Variants in MET observed in about 807,000 individuals in gnomAD.
The protein encoded by MET is MET proto-oncogene, receptor tyrosine kinase.
Under a neutral mutation model 133.1 loss-of-function variants are expected in MET, and 48 were observed. The ratio of observed to expected loss-of-function variants is 0.36; its 90% CI spans 0.29 to 0.46. The LOEUF is 0.46. MET is among the 20% of genes least tolerant of loss of function. The probability of loss-of-function intolerance (pLI) is 1.00; values close to 1 mark genes in which losing one functional copy is unlikely to be tolerated. For missense variants in MET, 1,442 were observed against 1,695.9 expected, an observed-to-expected ratio of 0.85 and a Z score of 2.63; for synonymous variants, 628 against 616.5, an observed-to-expected ratio of 1.02 and a Z score of -0.28.
Position 116,672,535 on chromosome 7 carries a change from C to T in MET, c.-57C>T. ...GGGAGGCGCGGAGCGCGCGTGTGGT[C>T]CTTGCGCCGCTGACTTCTCCACTGG... On this transcript the variant is annotated 5_prime_UTR_variant, in exon 1 of 21. Coordinates refer to ENST00000397752, the MANE Select transcript of MET (RefSeq NM_000245.4). 2.5e-6 allele frequency: 1 copy of T among 397,458 alleles called. No homozygotes were observed. The highest frequency in any genetic ancestry group is 4.4e-6 in the Non-Finnish European group (1 of 225,348). 24.6% of individuals were successfully genotyped at this position (397,458 alleles called of 1,614,324 possible).
chr7:116,731,991 A>G, intron 3 of MET, 132 bp downstream of exon 3: 1 of 849,510 alleles, frequency 1.2e-6, no homozygotes, highest in Non-Finnish European at 1.9e-6. Flanking sequence ...ACACAGACTG[A>G]AAGCCAAACA....
At chr7:116,789,863 C>G (rs779786138) in intron 19 of MET, among the ~76,000 whole-genome samples, 2 of 152,110 alleles carry the variant, frequency 1.3e-5, no homozygotes, top group African/African-American at 2.4e-5. Context: ...AGATTTGTTA[C>G]GTAGGTAAAC....
chr7:116,725,100 T>G (rs760646861), intron 2 of MET, among the ~76,000 whole-genome samples: 13 of 152,274 alleles, frequency 8.5e-5, no homozygotes, highest in African/African-American at 2.9e-4. Flanking sequence ...TGCCTGTACG[T>G]AAGAAGTATG....
In MET at chr7:116,786,143, T is replaced by C. The variant is rs147637222; in HGVS notation, c.3798+2674T>C. On this transcript the variant is annotated intron_variant, in intron 19 of 20. Coordinates refer to ENST00000397752, the MANE Select transcript of MET (RefSeq NM_000245.4). ...TATTGAGGGCTCTCTTCCTGGCCTA[T>C]AGATGGCCACCTTCTTGCTGTGTCC... 2.2e-3 allele frequency among the ~76,000 whole-genome samples: 332 copies of C among 152,358 alleles called. 2 individuals are homozygous for C. Among genetic ancestry groups the C allele is most frequent in the African/African-American group, 7.6e-3 (316 of 41,586 alleles).
At chr7:116,739,883 A>G in intron 3 of MET, 67 bp from the exon 4 acceptor site, 1 of 1,607,842 alleles carries the variant, frequency 6.2e-7, no homozygotes, top group Non-Finnish European at 8.5e-7. Context: ...ATTATCATCT[A>G]CATTTTCCAC....
At chr7:116,769,915 G>T in intron 12 of MET, 124 bp downstream of exon 12, 1 of 1,325,674 alleles carries the variant, frequency 7.5e-7, no homozygotes, top group Non-Finnish European at 1.1e-6. Context: ...AACTCAGCCT[G>T]CATTCCTAGT....
chr7:116,673,597 C>A (rs1462979460), intron 1 of MET, among the ~76,000 whole-genome samples: 1 of 152,226 alleles, frequency 6.6e-6, no homozygotes, highest in East Asian at 1.9e-4. Flanking sequence ...ATCAGCCAGA[C>A]ACATGCACAT....
At chr7:116,747,925 A>C (rs1044455778) in intron 5 of MET, among the ~76,000 whole-genome samples, 1 of 152,174 alleles carries the variant, frequency 6.6e-6, no homozygotes, top group Non-Finnish European at 1.5e-5. Flanking sequence ...AGATGACACT[A>C]CAATCAAATT....
At chr7:116,720,435 G>C (rs1270801929) in intron 2 of MET, among the ~76,000 whole-genome samples, 1 of 143,160 alleles carries the variant, frequency 7.0e-6, no homozygotes, top group African/African-American at 2.7e-5. Context: ...CTGCAAACAG[G>C]GACAATTTGA....
At chr7:116,749,250 C>T (rs1186797358) in intron 5 of MET, among the ~76,000 whole-genome samples, 1 of 152,154 alleles carries the variant, frequency 6.6e-6, no homozygotes, top group East Asian at 1.9e-4. Flanking sequence ...CATCAAAAAG[C>T]TTATCCACCA....
intron 1 of MET, among the ~76,000 whole-genome samples, chr7:116,683,903 TC>T (rs1291142722): frequency 6.6e-6 from 1 of 152,234 alleles, no homozygotes; most frequent in Non-Finnish European, 1.5e-5. Flanking sequence ...TCTGAATTCC[TC>T]CTTTCTACTT....
At chr7:116,710,797 A>T (rs1433324747) in intron 2 of MET, among the ~76,000 whole-genome samples, 2 of 152,202 alleles carry the variant, frequency 1.3e-5, no homozygotes, top group Non-Finnish European at 2.9e-5. Flanking sequence ...TGATAAGATA[A>T]CAATCCAATT....
At chr7:116,768,026 G>A (rs902734745) in intron 11 of MET, among the ~76,000 whole-genome samples, 69 of 144,162 alleles carry the variant, frequency 4.8e-4, no homozygotes, top group Admixed American at 9.8e-4. Flanking sequence ...GTGTGTGTGT[G>A]TATATATATA....
chr7:116,735,859 C>A (rs1793192674), intron 3 of MET, among the ~76,000 whole-genome samples: 1 of 151,364 alleles, frequency 6.6e-6, no homozygotes, highest in Non-Finnish European at 1.5e-5. Flanking sequence ...TCACTGTAAC[C>A]CCCACCTCCA....
chr7:116,707,531 T>G (rs1791846982), intron 2 of MET, among the ~76,000 whole-genome samples: 1 of 152,206 alleles, frequency 6.6e-6, no homozygotes, highest in African/African-American at 2.4e-5. Flanking sequence ...TATTCATGAT[T>G]AGTTAAAATT....
intron 2 of MET, among the ~76,000 whole-genome samples, chr7:116,716,482 A>AAAGAAAGAAAGG (rs1491556630): frequency 1.6e-5 from 2 of 128,540 alleles, no homozygotes; most frequent in African/African-American, 6.3e-5. Flanking sequence ...AGAAAGAAAG[A>AAAGAAAGAAAGG]AAGAAAGAAA....
In MET at chr7:116,699,478, A is replaced by G. The variant is rs2116587703; in HGVS notation, c.394A>G (p.Ser132Gly). Residue 132 changes from serine to glycine, a missense_variant, in exon 2 of 21, where the codon AGC (serine) becomes GGC (glycine). Transcript: ENST00000397752. ...CACCTACTATGATGATCAACTCATT[A>G]GCTGTGGCAGCGTCAACAGAGGGAC... Reference protein sequence around the residue: ...VDTYYDDQLISCGSVNRGTCQ... With the variant: ...VDTYYDDQLIGCGSVNRGTCQ... The G allele has an allele frequency of 6.2e-7, 1 of 1,614,020 alleles. No individual in the cohort carries two copies. The highest frequency in any genetic ancestry group is 8.5e-7 in the Non-Finnish European group (1 of 1,179,940).
At chr7:116,685,565 A>C (rs894724273) in intron 1 of MET, among the ~76,000 whole-genome samples, 5 of 152,130 alleles carry the variant, frequency 3.3e-5, no homozygotes, top group Non-Finnish European at 1.5e-5. Flanking sequence ...GTGTGCCTGT[A>C]ATCCCAACTA....
chr7:116,791,264 G>A (rs1795482557), intron 19 of MET, among the ~76,000 whole-genome samples: 1 of 152,120 alleles, frequency 6.6e-6, no homozygotes, highest in Admixed American at 6.6e-5. Flanking sequence ...TCAACTTTAT[G>A]AGAAACTGCC....
Sources: gnomAD v4.1 joint callset for allele counts (sites outside exome capture counted in the v4.1 genomes callset) on GRCh38, gnomAD v4.1.1 for gene constraint, MANE v1.5 for transcripts, NCBI Gene and HGNC (gene_info 2026-07-23, HGNC 2026-07-21) for gene names.